The following TFPI variants were observed in gnomAD, a reference collection of about 807,000 sequenced individuals.
The protein encoded by TFPI is anti-convertin.
Under a neutral mutation model 34.6 loss-of-function variants are expected in TFPI, and 15 were observed. The observed-to-expected ratio is 0.43, with a 90% CI of 0.29 to 0.67. TFPI has a LOEUF of 0.67. Among genes scored for constraint, TFPI ranks in the 30% least tolerant of loss-of-function variants. The pLI is 0.15. For missense variants in TFPI, 301 were observed against 364.0 expected (o/e 0.83, Z 1.41); for synonymous variants, 105 against 120.1 (o/e 0.87, Z 0.82).
At chr2:187,553,803 A>G (rs1040938074) in intron 1 of TFPI, among the ~76,000 whole-genome samples, 5 of 152,226 alleles carry the variant, frequency 3.3e-5, no homozygotes, top group African/African-American at 1.2e-4. Context: ...GAAGAATAAC[A>G]GTCTCTATTT....
intron 2 of TFPI, chr2:187,499,452 G>T (rs1201051615): frequency 6.6e-6 from 1 of 151,722 alleles, no homozygotes; most frequent in Non-Finnish European, 1.5e-5. Context: ...TTTCTGAGTG[G>T]CACATTTATG....
intron 1 of TFPI, among the ~76,000 whole-genome samples, chr2:187,525,960 A>G (rs951800833): frequency 1.3e-5 from 2 of 152,114 alleles, no homozygotes; most frequent in African/African-American, 4.8e-5. Flanking sequence ...TTTACTTCCT[A>G]TTTGTCTCTA....
intron 1 of TFPI, among the ~76,000 whole-genome samples, chr2:187,521,210 A>G (rs566819852): frequency 1.3e-5 from 2 of 152,224 alleles, no homozygotes; most frequent in African/African-American, 4.8e-5. Flanking sequence ...ATACATCAAT[A>G]TGTTCTGTGA....
chr2:187,494,702 A>C (rs2106072226), intron 3 of TFPI, among the ~76,000 whole-genome samples: 1 of 152,242 alleles, frequency 6.6e-6, no homozygotes, highest in African/African-American at 2.4e-5. Flanking sequence ...TAAAACACTC[A>C]GACATTCATA....
At chr2:187,514,492 AG>A (rs1201929239) in intron 1 of TFPI, 1 of 152,224 alleles carries the variant, frequency 6.6e-6, no homozygotes, top group Non-Finnish European at 1.5e-5. Flanking sequence ...TTCCAACACT[AG>A]GTTCACTTCG....
chr2:187,503,499 ACAT>A, intron 2 of TFPI, 146 bp downstream of exon 2: 1 of 871,662 alleles, frequency 1.1e-6, no homozygotes. Context: ...ACACACACAC[ACAT>A]ACATTAGGTA....
At chr2:187,552,575 T>C (rs1689134401) in intron 1 of TFPI, among the ~76,000 whole-genome samples, 1 of 151,976 alleles carries the variant, frequency 6.6e-6, no homozygotes, top group Non-Finnish European at 1.5e-5. Context: ...GACTGATAAA[T>C]GGACAATCAG....
intron 6 of TFPI, among the ~76,000 whole-genome samples, chr2:187,480,170 T>C (rs1692734217): frequency 6.6e-6 from 1 of 152,090 alleles, no homozygotes; most frequent in African/African-American, 2.4e-5. Flanking sequence ...GTATATTTAC[T>C]GATGCATTTA....
chr2:187,501,027 C>T (rs970369596), intron 2 of TFPI, among the ~76,000 whole-genome samples: 3 of 152,064 alleles, frequency 2.0e-5, no homozygotes, highest in African/African-American at 7.2e-5. Flanking sequence ...GGGTGCTGTG[C>T]GAGTGAACAG....
At chr2:187,468,107 C>T (rs150444938) in intron 6 of TFPI, among the ~76,000 whole-genome samples, 175 bp from the exon 7 acceptor site, 1 of 152,032 alleles carries the variant, frequency 6.6e-6, no homozygotes, top group East Asian at 1.9e-4. Flanking sequence ...CTTAACAAAA[C>T]CATGTGTCCA....
At chr2:187,548,088 G>A (rs572035575) in intron 1 of TFPI, among the ~76,000 whole-genome samples, 13 of 152,126 alleles carry the variant, frequency 8.5e-5, no homozygotes, top group African/African-American at 3.1e-4. Flanking sequence ...TTAAAGGACA[G>A]AGTTATACAG....
chr2:187,484,664 C>T (rs1693126821), intron 5 of TFPI, 147 bp downstream of exon 5: 2 of 624,794 alleles, frequency 3.2e-6, no homozygotes, highest in Admixed American at 4.0e-5. Flanking sequence ...TAAAAAACTA[C>T]AGTCACAAAT....
intron 6 of TFPI, among the ~76,000 whole-genome samples, chr2:187,482,179 A>G (rs1428913657): frequency 6.6e-6 from 1 of 152,058 alleles, no homozygotes; most frequent in African/African-American, 2.4e-5. Flanking sequence ...TCTCCACTTG[A>G]ATTGGTAAAA....
chr2:187,542,153 T>C (rs954490682), intron 1 of TFPI, among the ~76,000 whole-genome samples: 4 of 152,058 alleles, frequency 2.6e-5, no homozygotes, highest in Non-Finnish European at 4.4e-5. Flanking sequence ...TAGTTGTATA[T>C]GGTTAAAAAG....
intron 1 of TFPI, among the ~76,000 whole-genome samples, chr2:187,533,228 G>A (rs796807591): frequency 1.4e-4 from 21 of 152,300 alleles, no homozygotes; most frequent in African/African-American, 5.1e-4. Flanking sequence ...GAGACAGACT[G>A]CCTCTTCAAG....
chr2:187,503,361 G>A lies in TFPI; in HGVS notation c.121+287C>T, dbSNP rs377622426. On this transcript the variant is annotated intron_variant, in intron 2 of 7. Coordinates refer to ENST00000233156, the MANE Select transcript of TFPI (RefSeq NM_006287.6). ...AACATTTTGCTCCTTGCAATAGCCC[G>A]GAGCTACTCCAGTGTTTAATATTGT... Among the ~76,000 whole-genome samples, 11 of 151,786 alleles carry A rather than the reference G, an allele frequency of 7.2e-5. No homozygotes were observed. In the South Asian group the frequency reaches 1.3e-3, roughly 17 times the overall value.
In TFPI at chr2:187,466,856, T is replaced by G; in HGVS notation, c.*80A>C. On this transcript the variant is annotated 3_prime_UTR_variant, in exon 8 of 8. Coordinates refer to ENST00000233156, the MANE Select transcript of TFPI (RefSeq NM_006287.6). ...ATGAACATATTAATTAAAAGCATTT[T>G]AGAAGAAAAATAGAAAATCATAGTG... 1 of 810,044 alleles carries G rather than the reference T, an allele frequency of 1.2e-6. No individual in the cohort carries two copies. Among genetic ancestry groups the G allele is most frequent in the Non-Finnish European group, 1.9e-6 (1 of 532,944 alleles). 50.2% of individuals were successfully genotyped at this position (810,044 alleles called of 1,614,324 possible). A position where few individuals can be genotyped will look rare whatever the true frequency, so the allele number is the denominator to read the frequency against.
At chr2:187,478,856 A>C in intron 6 of TFPI, 2 of 1,463,688 alleles carry the variant, frequency 1.4e-6, no homozygotes, top group Non-Finnish European at 1.9e-6. Flanking sequence ...TTATATGTTT[A>C]ACACTGTGGT....
At chr2:187,485,137 CT>C (rs1226076433) in intron 4 of TFPI, 150 bp from the exon 5 acceptor site, 6 of 540,944 alleles carry the variant, frequency 1.1e-5, no homozygotes, top group Non-Finnish European at 1.4e-5. Context: ...TAAATATACA[CT>C]ATTAAAATTA....
Sources: gnomAD v4.1 joint callset for allele counts (sites outside exome capture counted in the v4.1 genomes callset) on GRCh38, gnomAD v4.1.1 for gene constraint, MANE v1.5 for transcripts, NCBI Gene and HGNC (gene_info 2026-07-23, HGNC 2026-07-21) for gene names.